MYH2: variants seen among roughly 807,000 people sequenced by gnomAD.
MYH2 encodes the protein myosin-2.
In MYH2, 139 loss-of-function variants were observed where a neutral mutation model predicts 228.1. The observed-to-expected ratio is 0.61, with a 90% CI of 0.53 to 0.70. The LOEUF (loss-of-function observed/expected upper bound fraction) is 0.70, where lower values mean the gene tolerates loss of function less well. MYH2 is among the 30% of genes least tolerant of loss of function. The probability of loss-of-function intolerance (pLI) is 0.00; values close to 1 mark genes in which losing one functional copy is unlikely to be tolerated. For synonymous variants in MYH2, 796 were observed against 871.1 expected (o/e 0.91, Z 1.52); for missense variants, 1,809 against 2,357.5 (o/e 0.77, Z 4.82).
chr17:10,538,630 G>C (rs1239378884), intron 14 of MYH2, among the ~76,000 whole-genome samples: 1 of 148,502 alleles, frequency 6.7e-6, no homozygotes. Flanking sequence ...GGGCAACAGA[G>C]TGAGACTCCA....
chr17:10,526,733 T>C lies in MYH2; in HGVS notation c.4053A>G (p.Glu1351=). 2 of 1,614,210 alleles carry C rather than the reference T, an allele frequency of 1.2e-6. No individual in the cohort carries two copies. The highest frequency in any genetic ancestry group is 1.7e-6 in the Non-Finnish European group (2 of 1,180,020). ...SSRHDCDLLR[E]QYEEEQESKA... ...TGGATTCCTGCTCCTCCTCATACTG[T>C]TCCCGCAGCAGGTCACAGTCGTGGC... Residue 1351 remains glutamate (E), a synonymous_variant, in exon 30 of 40, where the codon GAA becomes GAG. Coordinates refer to ENST00000245503, the MANE Select transcript of MYH2 (RefSeq NM_017534.6).
At chr17:10,541,748 T>C (rs1009552462) in intron 10 of MYH2, among the ~76,000 whole-genome samples, 40 of 152,152 alleles carry the variant, frequency 2.6e-4, no homozygotes, top group Non-Finnish European at 5.6e-4. Context: ...GATACCCAGC[T>C]TTAAAATTTC....
chr17:10,523,722 A>G, intron 36 of MYH2, 37 bp downstream of exon 36: 1 of 1,614,234 alleles, frequency 6.2e-7, no homozygotes, highest in Non-Finnish European at 8.5e-7. Flanking sequence ...AGGAAATCTT[A>G]CTGCTAAATC....
chr17:10,544,209 G>T, intron 5 of MYH2, 82 bp from the exon 6 acceptor site: 2 of 1,527,792 alleles, frequency 1.3e-6, no homozygotes, highest in Non-Finnish European at 1.8e-6. Flanking sequence ...AATGAACTTA[G>T]TATTATTCAG....
chr17:10,546,256 G>GATATATATATATATATATATATATAT (rs71139049), intron 4 of MYH2, among the ~76,000 whole-genome samples: 13 of 66,130 alleles, frequency 2.0e-4, no homozygotes, highest in African/African-American at 7.2e-4. Context: ...GACACGAAAT[G>GATATATATATATATATATATATATAT]ATATATATAT....
intron 17 of MYH2, 132 bp downstream of exon 17, chr17:10,536,398 A>G (rs1275844942): frequency 6.0e-6 from 4 of 672,218 alleles, no homozygotes; most frequent in African/African-American, 1.8e-5. Flanking sequence ...TAATTTTAAT[A>G]AATGTAATGT....
Position 10,527,872 on chromosome 17 carries a change from T to G in MYH2, c.3747A>C (p.Gly1249=), listed in dbSNP as rs1227211699. Residue 1249 remains glycine (G), a splice_region_variant and synonymous_variant, in exon 28 of 40, where the codon GGA becomes GGC. Coordinates refer to ENST00000245503, the MANE Select transcript of MYH2 (RefSeq NM_017534.6). Reference sequence around the variant, plus strand: ...GAGTCCGGCACATTTTCTCTAGGTTTCCCTATAGAAGAAAAAGTAAAAGAA... The same window carrying G: ...GAGTCCGGCACATTTTCTCTAGGTTGCCCTATAGAAGAAAAAGTAAAAGAA... ...SNVETVSKAK[G]NLEKMCRTLE... 2 of 1,613,008 alleles carry G rather than the reference T, an allele frequency of 1.2e-6. No homozygotes were observed. The highest frequency in any genetic ancestry group is 1.7e-6 in the Non-Finnish European group (2 of 1,180,014).
chr17:10,542,726 C>A (rs898378670), intron 10 of MYH2, 149 bp downstream of exon 10: 1 of 564,102 alleles, frequency 1.8e-6, no homozygotes, highest in African/African-American at 1.9e-5. Flanking sequence ...CTAATGAGCA[C>A]ATATAAATTT....
At chr17:10,536,755 A>G in intron 16 of MYH2, 149 bp from the exon 17 acceptor site, 1 of 756,772 alleles carries the variant, frequency 1.3e-6, no homozygotes, top group South Asian at 1.6e-5. Context: ...TTTTTCAACT[A>G]AGTTTGCAGC....
At chr17:10,528,481 T>C (rs539549324) in intron 27 of MYH2, among the ~76,000 whole-genome samples, 7 of 152,184 alleles carry the variant, frequency 4.6e-5, no homozygotes, top group Non-Finnish European at 1.0e-4. Context: ...CGTTTATTAA[T>C]GGCGTGATGG....
At position 10,535,187 on chromosome 17, in the gene MYH2, GC is replaced by G; in HGVS notation, c.2065del (p.Ala689ProfsTer11). The G allele has an allele frequency of 1.2e-6, 2 of 1,614,054 alleles. No homozygotes were observed. Among genetic ancestry groups the G allele is most frequent in the Non-Finnish European group, 1.7e-6 (2 of 1,179,994 alleles). On this transcript the variant is annotated frameshift_variant and splice_region_variant, in exon 19 of 40. Transcript: ENST00000245503. LOFTEE classifies it high-confidence loss of function. ...GTGGAGGACAAGCTCATGCTCCATG[GC>G]ACCTAAAAATGCATATTTATTTCAC... Reference protein sequence around the residue: ...IIPNETKTPGAMEHELVLHQL... With the variant: ...IIPNETKTPGXMEHELVLHQL...
chr17:10,531,535 G>T (rs2142302926), intron 22 of MYH2, 98 bp downstream of exon 22: 1 of 1,529,278 alleles, frequency 6.5e-7, no homozygotes, highest in South Asian at 1.1e-5. Context: ...CTTCCAATGA[G>T]TGTCTCCCTT....
chr17:10,529,414 T>G lies in MYH2; in HGVS notation c.3185A>C (p.Glu1062Ala). ...MDLERAKRKLEGDLKLAQESI... is the reference protein window; with the variant it reads ...MDLERAKRKLAGDLKLAQESI... Reference sequence around the variant, plus strand: ...TTCTTGGGCCAACTTCAAGTCACCCTCAAGTTTCCTCTTAGCCCTTTCTAG... The same window carrying G: ...TTCTTGGGCCAACTTCAAGTCACCCGCAAGTTTCCTCTTAGCCCTTTCTAG... Residue 1062 changes from glutamate (E) to alanine (A), a missense_variant, in exon 25 of 40, where the codon GAG (glutamate) becomes GCG (alanine). By Grantham distance (107) the Glu-to-Ala change is moderately radical. This residue lies in a region of MYH2 where 636 missense variants were observed against 729.9 expected (regional missense o/e 0.87). Transcript: ENST00000245503. 1.9e-6 allele frequency: 3 copies of G among 1,614,228 alleles called. No individual in the cohort carries two copies. Among genetic ancestry groups the G allele is most frequent in the Non-Finnish European group, 1.7e-6 (2 of 1,180,046 alleles).
intron 25 of MYH2, 39 bp from the exon 26 acceptor site, chr17:10,529,291 A>T (rs1183704159): frequency 1.2e-6 from 2 of 1,613,908 alleles, no homozygotes; most frequent in East Asian, 2.2e-5. Context: ...TTTAGTCCGT[A>T]TCTAATGTTG....
chr17:10,540,145 G>A, intron 11 of MYH2, 79 bp from the exon 12 acceptor site: 1 of 1,590,916 alleles, frequency 6.3e-7, no homozygotes, highest in Non-Finnish European at 8.6e-7. Context: ...CCCATTGCTG[G>A]CCTGAGGAAA....
chr17:10,540,045 A>C lies in MYH2; in HGVS notation c.1030T>G (p.Phe344Val). ...ATDSAIDILG[F>V]TNEEKVSIYK... Reference sequence around the variant, plus strand: ...ATGGAGACCTTTTCTTCATTAGTAAAGCCCAAAATATCAATAGCACTCTGT... The same window carrying C: ...ATGGAGACCTTTTCTTCATTAGTAACGCCCAAAATATCAATAGCACTCTGT... The change falls in exon 12 of 40, where the codon TTT becomes GTT. Residue 344 changes from phenylalanine (F) to valine (V), a missense_variant. Transcript: ENST00000245503. 1 of 1,614,040 alleles carries C rather than the reference A, an allele frequency of 6.2e-7. No homozygotes were observed.
At position 10,527,052 on chromosome 17, in the gene MYH2, C is replaced by T. The variant is rs1139436; in HGVS notation, c.3876G>A (p.Glu1292=). Residue 1292 remains glutamate, a synonymous_variant, in exon 29 of 40, where the codon GAG becomes GAA. Transcript: ENST00000245503. The part of the protein sequence containing the change: ...QRGRLQTESG[E]FSRQLDEKEA... ...CCTTTTCATCAAGCTGGCGTGAAAACTCACCTGATGGACAAAAGAAATGGC... is the reference window on the plus strand; with the variant it reads ...CCTTTTCATCAAGCTGGCGTGAAAATTCACCTGATGGACAAAAGAAATGGC... The T allele has an allele frequency of 2.5e-6, 4 of 1,613,776 alleles. No homozygotes were observed. In the African/African-American group the frequency reaches 5.3e-5, roughly 22 times the overall value.
chr17:10,536,672 G>T, intron 16 of MYH2, 66 bp from the exon 17 acceptor site: 1 of 1,465,496 alleles, frequency 6.8e-7, no homozygotes, highest in South Asian at 1.2e-5. Flanking sequence ...CGTATTTGCT[G>T]ATTTCTGTGT....
chr17:10,538,168 T>C (rs2073505048), intron 14 of MYH2, among the ~76,000 whole-genome samples: 1 of 152,202 alleles, frequency 6.6e-6, no homozygotes, highest in Non-Finnish European at 1.5e-5. Flanking sequence ...CCAGAAGGTT[T>C]ACAGTTTTCT....
Sources: allele counts gnomAD v4.1 joint callset (sites outside exome capture counted in the v4.1 genomes callset), GRCh38; gene constraint gnomAD v4.1.1; regional missense constraint gnomAD v4.1.1; transcripts MANE v1.5; gene names NCBI Gene and HGNC (gene_info 2026-07-23, HGNC 2026-07-21).